ASXL3: variants seen among roughly 807,000 people sequenced by gnomAD.
ASXL3 encodes ASXL transcriptional regulator 3, also known as putative Polycomb group protein ASXL3.
ASXL3 carries 34 observed loss-of-function variants against 170.6 expected under a neutral mutation model. That is an observed-to-expected ratio of 0.20 (90% CI 0.15 to 0.27). The LOEUF is 0.27. ASXL3 is among the 10% of genes least tolerant of loss of function. The pLI is 1.00. For missense variants in ASXL3, 2,592 were observed against 2,695.3 expected (o/e 0.96, Z 0.85); for synonymous variants, 1,002 against 989.1 (o/e 1.01, Z -0.24).
intron 2 of ASXL3, among the ~76,000 whole-genome samples, chr18:33,622,591 T>A (rs571820015): frequency 6.6e-6 from 1 of 152,216 alleles, no homozygotes; most frequent in Admixed American, 6.6e-5. Context: ...AGGTGGGTAG[T>A]CCTATGAGTT....
intron 5 of ASXL3, among the ~76,000 whole-genome samples, chr18:33,666,611 A>T (rs1016205209): frequency 5.3e-5 from 8 of 152,306 alleles, no homozygotes; most frequent in Admixed American, 3.3e-4. Context: ...TTTCTATTAT[A>T]TATGTAGCAT....
chr18:33,692,402 A>G (rs1289641607), intron 8 of ASXL3, among the ~76,000 whole-genome samples: 1 of 152,086 alleles, frequency 6.6e-6, no homozygotes, highest in East Asian at 1.9e-4. Flanking sequence ...CTCAAACCCA[A>G]GCCTTTTCTG....
At chr18:33,640,357 A>G (rs1462626358) in intron 2 of ASXL3, among the ~76,000 whole-genome samples, 1 of 151,960 alleles carries the variant, frequency 6.6e-6, no homozygotes, top group African/African-American at 2.4e-5. Context: ...TCTTATTGAC[A>G]ATAATATCTC....
At chr18:33,726,125 C>T (rs2145383288) in intron 8 of ASXL3, among the ~76,000 whole-genome samples, 1 of 152,270 alleles carries the variant, frequency 6.6e-6, no homozygotes, top group African/African-American at 2.4e-5. Context: ...TGCCTATAGT[C>T]TTGTCTTTTA....
chr18:33,725,539 T>C (rs907603820), intron 8 of ASXL3, among the ~76,000 whole-genome samples: 1 of 152,150 alleles, frequency 6.6e-6, no homozygotes, highest in African/African-American at 2.4e-5. Context: ...TTTTGGTAAA[T>C]ATTCTTCCAA....
intron 7 of ASXL3, among the ~76,000 whole-genome samples, chr18:33,675,188 A>G (rs777075830): frequency 6.6e-6 from 1 of 152,128 alleles, no homozygotes; most frequent in Non-Finnish European, 1.5e-5. Flanking sequence ...GACACATCCT[A>G]GGGTGTCCAT....
chr18:33,710,168 A>C (rs1161467653), intron 8 of ASXL3, among the ~76,000 whole-genome samples: 2 of 152,220 alleles, frequency 1.3e-5, no homozygotes, highest in East Asian at 3.9e-4. Flanking sequence ...AGGCAGGAGA[A>C]TCGCTTGAAC....
chr18:33,599,714 A>C (rs942498920), intron 1 of ASXL3, among the ~76,000 whole-genome samples: 2 of 152,116 alleles, frequency 1.3e-5, no homozygotes, highest in African/African-American at 4.8e-5. Context: ...TTCTGGGATG[A>C]GTTTAGCTGT....
intron 9 of ASXL3, among the ~76,000 whole-genome samples, chr18:33,732,774 G>T (rs1389068): frequency 0.65 from 97,545 of 151,124 alleles, 32,926 homozygotes; most frequent in East Asian, 0.9. Context: ...ATGGATCACC[G>T]GGGCTCAGGA....
chr18:33,640,458 T>C (rs2065828222), intron 2 of ASXL3, among the ~76,000 whole-genome samples: 3 of 152,086 alleles, frequency 2.0e-5, no homozygotes, highest in Non-Finnish European at 4.4e-5. Context: ...TACACTGGGT[T>C]ACTATGTGTG....
rs2067850526 is a variant in ASXL3 at position 33,749,475 on chromosome 18, T to TA, written c.*2882dup. The TA allele has an allele frequency of 6.6e-6, 1 of 152,070 alleles. No homozygotes were observed. Among genetic ancestry groups the TA allele is most frequent in the Non-Finnish European group, 1.5e-5 (1 of 68,000 alleles). The allele number at this position is 152,070 out of a possible 1,614,324, so 9.4% of individuals were successfully genotyped here. ...TTTAATCACAAAGGATGTATTTCCC[T>TA]AAGTAGCACTTTTGGAGCAGGGGAA... On this transcript the variant is annotated 3_prime_UTR_variant, in exon 12 of 12. Coordinates refer to ENST00000269197, the MANE Select transcript of ASXL3 (RefSeq NM_030632.3).
intron 1 of ASXL3, among the ~76,000 whole-genome samples, chr18:33,601,458 A>G (rs2065182023): frequency 6.6e-6 from 1 of 151,994 alleles, no homozygotes; most frequent in Non-Finnish European, 1.5e-5. Flanking sequence ...AACATCAGAC[A>G]TCTAGTGAGT....
At chr18:33,712,895 T>C (rs1266776941) in intron 8 of ASXL3, among the ~76,000 whole-genome samples, 1 of 152,176 alleles carries the variant, frequency 6.6e-6, no homozygotes, top group Non-Finnish European at 1.5e-5. Context: ...GCAGTTTTGC[T>C]CCTTCAAGTT....
At chr18:33,723,951 T>C (rs193002575) in intron 8 of ASXL3, among the ~76,000 whole-genome samples, 1 of 152,296 alleles carries the variant, frequency 6.6e-6, no homozygotes, top group Non-Finnish European at 1.5e-5. Flanking sequence ...ATTACTGTTA[T>C]CATTTTAAGT....
At chr18:33,653,742 C>T (rs530998498) in intron 4 of ASXL3, among the ~76,000 whole-genome samples, 2 of 151,930 alleles carry the variant, frequency 1.3e-5, no homozygotes, top group African/African-American at 2.4e-5. Context: ...GTATATGATC[C>T]GGGGGATAGA....
At chr18:33,726,335 C>T (rs1237713109) in intron 8 of ASXL3, among the ~76,000 whole-genome samples, 1 of 152,080 alleles carries the variant, frequency 6.6e-6, no homozygotes, top group African/African-American at 2.4e-5. Context: ...CATTTTTTTC[C>T]TGGATTATTG....
intron 4 of ASXL3, among the ~76,000 whole-genome samples, chr18:33,646,858 C>G (rs973664713): frequency 8.6e-6 from 1 of 115,654 alleles, no homozygotes; most frequent in Non-Finnish European, 1.6e-5. Flanking sequence ...GTGAGTGAAC[C>G]TTCCAGAATT....
chr18:33,671,481 C>A (rs2066340922), intron 6 of ASXL3, among the ~76,000 whole-genome samples: 1 of 152,118 alleles, frequency 6.6e-6, no homozygotes, highest in South Asian at 2.1e-4. Context: ...TACAAAAGAC[C>A]TGACTCTATT....
intron 8 of ASXL3, among the ~76,000 whole-genome samples, chr18:33,730,245 A>G (rs1020840933): frequency 6.6e-6 from 1 of 152,096 alleles, no homozygotes; most frequent in Non-Finnish European, 1.5e-5. Context: ...CCCCCACTAA[A>G]AAGAATTATC....
Sources: gnomAD v4.1 joint callset for allele counts (sites outside exome capture counted in the v4.1 genomes callset) on GRCh38, gnomAD v4.1.1 for gene constraint, MANE v1.5 for transcripts, NCBI Gene and HGNC (gene_info 2026-07-23, HGNC 2026-07-21) for gene names.